CDH4: variants seen among roughly 807,000 people sequenced by gnomAD.
CDH4 encodes cadherin 4.
CDH4 carries 33 observed loss-of-function variants against 86.0 expected under a neutral mutation model. The ratio of observed to expected loss-of-function variants is 0.38; its 90% confidence interval spans 0.29 to 0.51. The LOEUF (loss-of-function observed/expected upper bound fraction) is 0.51, where lower values mean the gene tolerates loss of function less well. Ranked by LOEUF, CDH4 falls within the 20% of genes least tolerant of loss-of-function variation. CDH4 has a pLI of 0.86. For missense variants in CDH4, 1,114 were observed against 1,307.4 expected (o/e 0.85, Z 2.28); for synonymous variants, 555 against 549.4 (o/e 1.01, Z -0.14).
chr20:61,282,883 G>A (rs1362170625), intron 2 of CDH4, among the ~76,000 whole-genome samples: 5 of 152,184 alleles, frequency 3.3e-5, no homozygotes, highest in African/African-American at 1.2e-4. Flanking sequence ...TGTGATGTAC[G>A]TGCATTTGCA....
At chr20:61,926,925 G>A (rs1189577267) in intron 11 of CDH4, among the ~76,000 whole-genome samples, 2 of 152,180 alleles carry the variant, frequency 1.3e-5, no homozygotes, top group Non-Finnish European at 2.9e-5. Context: ...TGGAACATCG[G>A]AGCGTCCATC....
At chr20:61,491,851 ATGT>A (rs1295346605) in intron 2 of CDH4, among the ~76,000 whole-genome samples, 3 of 150,630 alleles carry the variant, frequency 2.0e-5, no homozygotes, top group Admixed American at 1.3e-4. Context: ...GGTAGTGTTG[ATGT>A]TGGTGGTATT....
chr20:61,433,292 G>T (rs570129249), intron 2 of CDH4, among the ~76,000 whole-genome samples: 1 of 152,040 alleles, frequency 6.6e-6, no homozygotes, highest in South Asian at 2.1e-4. Flanking sequence ...CGGTTTTGTC[G>T]GGTATCAATC....
intron 2 of CDH4, among the ~76,000 whole-genome samples, chr20:61,641,168 G>A (rs1180971914): frequency 1.3e-5 from 2 of 152,190 alleles, no homozygotes; most frequent in African/African-American, 2.4e-5. Flanking sequence ...GAGGGAGAAG[G>A]CAGCCTGGCA....
At chr20:61,767,229 G>A (rs529470387) in intron 3 of CDH4, among the ~76,000 whole-genome samples, 20 of 152,324 alleles carry the variant, frequency 1.3e-4, no homozygotes, top group East Asian at 7.7e-4. Context: ...TTGCTTTGTC[G>A]TCTCCTGGCT....
intron 2 of CDH4, among the ~76,000 whole-genome samples, chr20:61,642,104 G>A (rs1421553309): frequency 6.6e-6 from 1 of 152,246 alleles, no homozygotes; most frequent in African/African-American, 2.4e-5. Context: ...CCAGGACCAC[G>A]TGATATTTAG....
intron 9 of CDH4, among the ~76,000 whole-genome samples, chr20:61,918,450 G>T (rs1044958457): frequency 8.5e-5 from 13 of 152,194 alleles, no homozygotes; most frequent in African/African-American, 3.1e-4. Flanking sequence ...AACCACACTG[G>T]CGCTGTGCTG....
chr20:61,272,250 C>A (rs1201707544), intron 2 of CDH4, among the ~76,000 whole-genome samples: 1 of 152,164 alleles, frequency 6.6e-6, no homozygotes, highest in Non-Finnish European at 1.5e-5. Context: ...CATAAAAAGT[C>A]CCCCAGTGGC....
intron 2 of CDH4, among the ~76,000 whole-genome samples, chr20:61,264,076 C>T (rs2084142681): frequency 6.6e-6 from 1 of 152,148 alleles, no homozygotes. Flanking sequence ...ACGTGAGATC[C>T]CAGGCTCACA....
chr20:61,397,678 A>G (rs2085025955), intron 2 of CDH4, among the ~76,000 whole-genome samples: 1 of 141,114 alleles, frequency 7.1e-6, no homozygotes, highest in Non-Finnish European at 1.6e-5. Context: ...TTTAAACTGC[A>G]CTATAGTTTT....
At chr20:61,751,402 A>T (rs376551068) in intron 3 of CDH4, among the ~76,000 whole-genome samples, 2 of 152,220 alleles carry the variant, frequency 1.3e-5, no homozygotes, top group South Asian at 2.1e-4. Flanking sequence ...TGAAGCAAAG[A>T]TGATTAGATA....
At chr20:61,933,653 C>A (rs1348520259) in intron 14 of CDH4, among the ~76,000 whole-genome samples, 1 of 148,038 alleles carries the variant, frequency 6.8e-6, no homozygotes, top group Non-Finnish European at 1.5e-5. Context: ...ATGTGCCTTG[C>A]GGAGGCCCAG....
At chr20:61,710,946 C>A (rs1021571410) in intron 2 of CDH4, among the ~76,000 whole-genome samples, 2 of 152,184 alleles carry the variant, frequency 1.3e-5, no homozygotes, top group African/African-American at 4.8e-5. Context: ...GTGGCCTGAA[C>A]ATCATAGGCA....
At chr20:61,409,689 C>T (rs2085105361) in intron 2 of CDH4, among the ~76,000 whole-genome samples, 2 of 152,258 alleles carry the variant, frequency 1.3e-5, no homozygotes, top group Non-Finnish European at 2.9e-5. Context: ...ACAGAGATAC[C>T]GGCAACTTTT....
chr20:61,565,502 T>C (rs7343474), intron 2 of CDH4, among the ~76,000 whole-genome samples: 92,306 of 149,870 alleles, frequency 0.62, 29,275 homozygotes, highest in African/African-American at 0.76. Flanking sequence ...GCCACCTCCT[T>C]GGGGCTGTTT....
intron 8 of CDH4, among the ~76,000 whole-genome samples, chr20:61,901,365 CA>C (rs2054724545): frequency 6.6e-6 from 1 of 152,198 alleles, no homozygotes; most frequent in Admixed American, 6.5e-5. Flanking sequence ...CACAGAATTG[CA>C]AAAAGCAATA....
chr20:61,462,534 A>G (rs1343822820), intron 2 of CDH4, among the ~76,000 whole-genome samples: 1 of 152,130 alleles, frequency 6.6e-6, no homozygotes, highest in Admixed American at 6.5e-5. Context: ...ATATCTTAAA[A>G]ACTAAGTCAT....
intron 2 of CDH4, among the ~76,000 whole-genome samples, chr20:61,723,263 C>T (rs1221395933): frequency 2.0e-5 from 3 of 152,204 alleles, no homozygotes; most frequent in Non-Finnish European, 4.4e-5. Context: ...TGCTCCCCTG[C>T]CCAAGGGCAG....
intron 2 of CDH4, among the ~76,000 whole-genome samples, chr20:61,390,512 A>G (rs113816189): frequency 1.5e-3 from 162 of 107,430 alleles, no homozygotes; most frequent in African/African-American, 3.2e-3. Flanking sequence ...GGGAAACCCC[A>G]ATTGAGATCG....
Sources: allele counts gnomAD v4.1 joint callset (sites outside exome capture counted in the v4.1 genomes callset), GRCh38; gene constraint gnomAD v4.1.1; transcripts MANE v1.5; gene names NCBI Gene and HGNC (gene_info 2026-07-23, HGNC 2026-07-21).